The following ROBO2 variants were observed in gnomAD, a reference collection of about 807,000 sequenced individuals.
The protein encoded by ROBO2 is roundabout homolog 2.
In ROBO2, 53 loss-of-function variants were observed where a neutral mutation model predicts 160.8. The ratio of observed to expected loss-of-function variants is 0.33; its 90% CI spans 0.26 to 0.41. The LOEUF (loss-of-function observed/expected upper bound fraction) is 0.41. Among genes scored for constraint, ROBO2 ranks in the 10% least tolerant of loss-of-function variants. ROBO2 has a pLI of 1.00. For synonymous variants in ROBO2, 664 were observed against 611.7 expected (o/e 1.09, Z -1.26); for missense variants, 1,577 against 1,722.4 (o/e 0.92, Z 1.49).
At chr3:77,339,413 A>G (rs899509981) in intron 2 of ROBO2, among the ~76,000 whole-genome samples, 1 of 152,110 alleles carries the variant, frequency 6.6e-6, no homozygotes, top group African/African-American at 2.4e-5. Context: ...TCTTCTTCAT[A>G]TAAGAACACA....
chr3:75,994,046 A>C lies in ROBO2; in HGVS notation c.109+56444A>C, dbSNP rs568555486. On this transcript the variant is annotated intron_variant, in intron 2 of 26. Coordinates refer to the ROBO2 transcript ENST00000487694. The stretch of plus-strand genomic sequence containing the variant: ...AGCCCTTTTAAAAAATATTAAGAGT[A>C]TAAAGAAAGGGACAGCCAAGCACAA... Among the ~76,000 whole-genome samples, 16 of 152,274 alleles carry C rather than the reference A, an allele frequency of 1.1e-4. No homozygotes were observed. The East Asian group carries it at 3.1e-3, about 29-fold the overall frequency.
chr3:76,846,959 T>C (rs2068830714), intron 2 of ROBO2, among the ~76,000 whole-genome samples: 1 of 152,162 alleles, frequency 6.6e-6, no homozygotes, highest in African/African-American at 2.4e-5. Flanking sequence ...TTATTCACTC[T>C]CAGTGGTCCC....
At chr3:76,029,989 A>C (rs925177935) in intron 2 of ROBO2, among the ~76,000 whole-genome samples, 2 of 152,170 alleles carry the variant, frequency 1.3e-5, no homozygotes, top group African/African-American at 2.4e-5. Flanking sequence ...CCAACAGTGT[A>C]AAAGTGTTCC....
chr3:76,434,326 A>C, intron 2 of ROBO2: 4 of 1,169,796 alleles, frequency 3.4e-6, no homozygotes, highest in Non-Finnish European at 5.2e-6. Context: ...CCCATCTCAG[A>C]GCAGATCAAG....
intron 2 of ROBO2, among the ~76,000 whole-genome samples, chr3:76,999,701 C>A (rs2061234909): frequency 6.6e-6 from 1 of 152,096 alleles, no homozygotes; most frequent in Non-Finnish European, 1.5e-5. Context: ...AGGAAGGAGA[C>A]CTTGGGGTTT....
chr3:76,983,236 A>C lies in ROBO2; in HGVS notation c.110-114778A>C, dbSNP rs572250280. Reference sequence around the variant, plus strand: ...GAAGGTGGGGAGGTTGCAGTGAGCCAAGATAGCGCCACTGCACTCCAGGCT... The same window carrying C: ...GAAGGTGGGGAGGTTGCAGTGAGCCCAGATAGCGCCACTGCACTCCAGGCT... On this transcript the variant is annotated intron_variant, in intron 2 of 26. Coordinates refer to the ROBO2 transcript ENST00000487694. 9.9e-5 allele frequency among the ~76,000 whole-genome samples: 15 copies of C among 152,278 alleles called. No individual in the cohort carries two copies. In the South Asian group the frequency reaches 3.1e-3, roughly 32 times the overall value.
intron 2 of ROBO2, among the ~76,000 whole-genome samples, chr3:75,998,168 C>T (rs574371083): frequency 2.6e-5 from 4 of 152,248 alleles, no homozygotes; most frequent in East Asian, 3.9e-4. Flanking sequence ...AAATGCTATA[C>T]GAGCTTGTGT....
intron 2 of ROBO2, among the ~76,000 whole-genome samples, chr3:76,106,778 G>T (rs1298820244): frequency 6.6e-6 from 1 of 152,052 alleles, no homozygotes; most frequent in Non-Finnish European, 1.5e-5. Flanking sequence ...AATGATATTT[G>T]ATTTATTTAT....
At chr3:77,604,887 CTT>C (rs2094496128) in intron 20 of ROBO2, among the ~76,000 whole-genome samples, 1 of 151,982 alleles carries the variant, frequency 6.6e-6, no homozygotes. Context: ...GTATTACCCT[CTT>C]TGAAACACTT....
At position 76,913,621 on chromosome 3, in the gene ROBO2, A is replaced by G. The variant is rs111995668; in HGVS notation, c.110-184393A>G. Among the ~76,000 whole-genome samples, 650 of 152,316 alleles carry G rather than the reference A, an allele frequency of 4.3e-3. 10 individuals carry two copies. The highest frequency in any genetic ancestry group is 0.015 in the African/African-American group (624 of 41,562). ...GACAAATTAACTCTGGTGAATAAATAAATTAATGCATTGTAGATGTTTGAC... is the reference window on the plus strand; with the variant it reads ...GACAAATTAACTCTGGTGAATAAATGAATTAATGCATTGTAGATGTTTGAC... On this transcript the variant is annotated intron_variant, in intron 2 of 26. Coordinates refer to the ROBO2 transcript ENST00000487694.
intron 2 of ROBO2, among the ~76,000 whole-genome samples, chr3:76,284,147 T>C (rs1290169904): frequency 1.3e-5 from 2 of 152,046 alleles, no homozygotes; most frequent in African/African-American, 4.8e-5. Flanking sequence ...TCTCTTTGGG[T>C]ATTTTATTTA....
At chr3:75,991,490 ATCT>A (rs1349624723) in intron 2 of ROBO2, among the ~76,000 whole-genome samples, 1 of 152,114 alleles carries the variant, frequency 6.6e-6, no homozygotes, top group Non-Finnish European at 1.5e-5. Flanking sequence ...GTAAGAAGTG[ATCT>A]TCTCCTCCTT....
At chr3:76,298,020 G>A (rs1709168326) in intron 2 of ROBO2, among the ~76,000 whole-genome samples, 1 of 152,124 alleles carries the variant, frequency 6.6e-6, no homozygotes, top group Non-Finnish European at 1.5e-5. Context: ...TCGGGAGCTG[G>A]ACTTAGAGAT....
intron 17 of ROBO2, among the ~76,000 whole-genome samples, chr3:77,592,193 A>G (rs2094196549): frequency 6.6e-6 from 1 of 152,176 alleles, no homozygotes; most frequent in Non-Finnish European, 1.5e-5. Flanking sequence ...GGAAATTTAG[A>G]TTGTGTACTA....
intron 4 of ROBO2, among the ~76,000 whole-genome samples, chr3:77,483,933 T>A (rs1409357168): frequency 2.0e-5 from 3 of 151,784 alleles, no homozygotes; most frequent in African/African-American, 7.2e-5. Context: ...TTCTGAATTC[T>A]TCAAGTATTT....
intron 8 of ROBO2, among the ~76,000 whole-genome samples, chr3:77,557,633 C>G (rs1021252381): frequency 3.5e-5 from 5 of 144,916 alleles, no homozygotes; most frequent in African/African-American, 1.3e-4. Context: ...TACGACTAAG[C>G]CTTTTTATAC....
At chr3:76,199,791 G>A (rs1385546000) in intron 2 of ROBO2, among the ~76,000 whole-genome samples, 1 of 152,072 alleles carries the variant, frequency 6.6e-6, no homozygotes, top group Non-Finnish European at 1.5e-5. Flanking sequence ...CAGATAAAAT[G>A]CCCCACTTCG....
At chr3:77,114,912 C>T (rs1366039801) in intron 2 of ROBO2, among the ~76,000 whole-genome samples, 1 of 152,138 alleles carries the variant, frequency 6.6e-6, no homozygotes, top group Non-Finnish European at 1.5e-5. Flanking sequence ...ATATATTAAA[C>T]CAACATCACA....
chr3:76,053,467 G>A (rs768360177), intron 2 of ROBO2, among the ~76,000 whole-genome samples: 20 of 152,048 alleles, frequency 1.3e-4, no homozygotes, highest in South Asian at 2.1e-4. Context: ...TCATTAATAA[G>A]CAAAGATTTG....
Sources: gnomAD v4.1 joint callset for allele counts (sites outside exome capture counted in the v4.1 genomes callset) on GRCh38, gnomAD v4.1.1 for gene constraint, MANE v1.5 for transcripts, NCBI Gene and HGNC (gene_info 2026-07-23, HGNC 2026-07-21) for gene names.